NAALADL2: variants seen among roughly 807,000 people sequenced by gnomAD.
The protein encoded by NAALADL2 is inactive N-acetylated-alpha-linked acidic dipeptidase-like protein 2.
Under a neutral mutation model 87.2 loss-of-function variants are expected in NAALADL2, and 76 were observed. The observed-to-expected ratio is 0.87, with a 90% CI of 0.72 to 1.05. The LOEUF (loss-of-function observed/expected upper bound fraction) is 1.05. NAALADL2 is among the 50% of genes least tolerant of loss of function. The pLI is 0.00. For missense variants in NAALADL2, 1,089 were observed against 945.8 expected (o/e 1.15, Z -1.99); for synonymous variants, 354 against 331.0 (o/e 1.07, Z -0.75).
At chr3:175,416,257 T>G (rs1177544066) in intron 5 of NAALADL2, among the ~76,000 whole-genome samples, 1 of 152,192 alleles carries the variant, frequency 6.6e-6, no homozygotes, top group African/African-American at 2.4e-5. Flanking sequence ...ACAAAAAACA[T>G]TTAATGCTCT....
At chr3:175,013,299 A>T (rs71629248) in intron 1 of NAALADL2, among the ~76,000 whole-genome samples, 28,990 of 74,870 alleles carry the variant, frequency 0.39, 6,275 homozygotes, top group African/African-American at 0.6. Context: ...ATATATATAT[A>T]TATTTTTTTT....
chr3:174,899,831 A>G (rs1341587183), intron 1 of NAALADL2, among the ~76,000 whole-genome samples: 2 of 152,162 alleles, frequency 1.3e-5, no homozygotes, highest in Non-Finnish European at 2.9e-5. Context: ...AAAATCAGCA[A>G]AATGCAAAAT....
intron 5 of NAALADL2, among the ~76,000 whole-genome samples, chr3:175,437,305 AACAG>A (rs1274404489): frequency 1.1e-4 from 16 of 145,430 alleles, no homozygotes; most frequent in African/African-American, 4.1e-4. Flanking sequence ...ATACACCAAC[AACAG>A]ACAAACAGAG....
At chr3:175,627,429 T>A in intron 11 of NAALADL2, 43 bp downstream of exon 11, 1 of 1,275,098 alleles carries the variant, frequency 7.8e-7, no homozygotes, top group Non-Finnish European at 1.1e-6. Flanking sequence ...AAATATTTGT[T>A]CTTCTTTATT....
At chr3:175,265,382 C>G (rs547910708) in intron 4 of NAALADL2, among the ~76,000 whole-genome samples, 13 of 151,754 alleles carry the variant, frequency 8.6e-5, no homozygotes, top group African/African-American at 2.4e-4. Flanking sequence ...AAGAAACAAA[C>G]AAATAAATAA....
intron 2 of NAALADL2, chr3:174,551,163 T>G (rs1712078519): frequency 6.6e-6 from 1 of 152,118 alleles, no homozygotes; most frequent in Non-Finnish European, 1.5e-5. Flanking sequence ...TTATATGCTT[T>G]CTTTGTTTTT....
chr3:175,602,630 T>C (rs973137600), intron 10 of NAALADL2, among the ~76,000 whole-genome samples: 2 of 152,136 alleles, frequency 1.3e-5, no homozygotes, highest in African/African-American at 4.8e-5. Flanking sequence ...TGATCTAGAC[T>C]TTAAAGCACC....
intron 4 of NAALADL2, among the ~76,000 whole-genome samples, chr3:175,301,284 A>AC (rs199933069): frequency 6.6e-6 from 1 of 151,660 alleles, no homozygotes; most frequent in African/African-American, 2.4e-5. Context: ...TTGTTCCCAA[A>AC]CCCCCCGACA....
At chr3:175,180,297 T>C (rs755195960) in intron 2 of NAALADL2, among the ~76,000 whole-genome samples, 23 of 152,042 alleles carry the variant, frequency 1.5e-4, no homozygotes, top group Non-Finnish European at 2.9e-4. Context: ...AAATGTCTAA[T>C]ACAATTACAC....
chr3:174,964,027 T>A (rs1187216108), intron 1 of NAALADL2, among the ~76,000 whole-genome samples: 1 of 95,846 alleles, frequency 1.0e-5, no homozygotes, highest in Non-Finnish European at 2.3e-5. Flanking sequence ...TGTTATTAAA[T>A]CTTTTGGGAA....
intron 10 of NAALADL2, among the ~76,000 whole-genome samples, chr3:175,619,262 A>AGG (rs1491495501): frequency 2.7e-5 from 2 of 75,088 alleles, no homozygotes; most frequent in South Asian, 4.0e-4. Context: ...GAAGGAAGGA[A>AGG]GGAAGGAGAA....
chr3:174,521,453 CTACTCAG>C (rs951128155), intron 1 of NAALADL2, among the ~76,000 whole-genome samples: 2 of 151,320 alleles, frequency 1.3e-5, no homozygotes, highest in Non-Finnish European at 2.9e-5. Flanking sequence ...GTAGTACCAG[CTACTCAG>C]AAGGGTGAGG....
chr3:175,652,118 A>G (rs899300475), intron 11 of NAALADL2, among the ~76,000 whole-genome samples: 1 of 152,196 alleles, frequency 6.6e-6, no homozygotes, highest in African/African-American at 2.4e-5. Context: ...CAAAATGAAG[A>G]TAATTCTGTT....
At chr3:174,932,476 A>G (rs376014354) in intron 1 of NAALADL2, among the ~76,000 whole-genome samples, 1 of 152,158 alleles carries the variant, frequency 6.6e-6, no homozygotes, top group Non-Finnish European at 1.5e-5. Context: ...CTCCATAAAG[A>G]TATGTTCACA....
chr3:175,527,904 T>A (rs28380618), intron 9 of NAALADL2, among the ~76,000 whole-genome samples: 9,096 of 152,262 alleles, frequency 0.06, 336 homozygotes, highest in African/African-American at 0.098. Context: ...TGTGCTCATA[T>A]TCTGGGACCA....
At chr3:175,383,449 C>A (rs1768013110) in intron 5 of NAALADL2, among the ~76,000 whole-genome samples, 1 of 151,954 alleles carries the variant, frequency 6.6e-6, no homozygotes, top group African/African-American at 2.4e-5. Context: ...AAAGCCTACT[C>A]CTTAAGCAAT....
intron 3 of NAALADL2, among the ~76,000 whole-genome samples, chr3:174,751,848 TTATG>T (rs965258501): frequency 1.5e-5 from 2 of 133,592 alleles, no homozygotes; most frequent in African/African-American, 3.1e-5. Flanking sequence ...ACTTTAGAGA[TTATG>T]TATGTATGTG....
At chr3:175,659,123 T>C (rs1731911192) in intron 11 of NAALADL2, among the ~76,000 whole-genome samples, 1 of 152,190 alleles carries the variant, frequency 6.6e-6, no homozygotes, top group African/African-American at 2.4e-5. Flanking sequence ...TTAGTGATAA[T>C]AATACCTATC....
At chr3:174,943,020 A>G (rs539455568) in intron 1 of NAALADL2, among the ~76,000 whole-genome samples, 3 of 152,054 alleles carry the variant, frequency 2.0e-5, no homozygotes, top group Non-Finnish European at 4.4e-5. Context: ...ACGTATTCCA[A>G]ATTCTATTTC....
Sources: gnomAD v4.1 joint callset for allele counts (sites outside exome capture counted in the v4.1 genomes callset) on GRCh38, gnomAD v4.1.1 for gene constraint, MANE v1.5 for transcripts, NCBI Gene and HGNC (gene_info 2026-07-23, HGNC 2026-07-21) for gene names.